OR5C1: variants seen among roughly 807,000 people sequenced by gnomAD.
OR5C1 encodes olfactory receptor family 5 subfamily C member 1.
For synonymous variants in OR5C1, 184 were observed against 181.5 expected, an observed-to-expected ratio of 1.01 and a Z score of -0.11; for missense variants, 433 against 426.5, an observed-to-expected ratio of 1.02 and a Z score of -0.13.
At position 122,789,821 on chromosome 9, in the gene OR5C1, C is replaced by T. The variant is rs113120403; in HGVS notation, c.889C>T (p.Arg297Cys). 53 of 1,600,834 alleles carry T rather than the reference C, an allele frequency of 3.3e-5. No homozygotes were observed. The highest frequency in any genetic ancestry group is 1.7e-4 in the Middle Eastern group (1 of 5,968). The change falls in exon 1 of 1, where the codon CGC becomes TGC. Residue 297 changes from arginine (R) to cysteine (C), a missense_variant. By Grantham distance (180) the Arg-to-Cys change is radical (BLOSUM62 -3). Transcript: ENST00000373680. ...PSLNPLIYSL[R>C]NKEVKEALRQ... ...TCTCAACCCACTCATCTACAGCCTC[C>T]GCAATAAGGAGGTCAAGGAGGCCCT... is the stretch of plus-strand genomic sequence containing the variant.
rs1030817478 is a variant in OR5C1 at position 122,789,156 on chromosome 9, C to T, written c.224C>T (p.Ala75Val). 3 of 1,613,912 alleles carry T rather than the reference C, an allele frequency of 1.9e-6. No homozygotes were observed. The highest frequency in any genetic ancestry group is 2.7e-5 in the African/African-American group (2 of 74,932). The change falls in exon 1 of 1, where the codon GCC (alanine) becomes GTC (valine). Residue 75 changes from alanine to valine, a missense_variant. Transcript: ENST00000373680. ...CTGGCCAACCTCTCCCTGCTGGATG[C>T]CTGCTATTCCTCCGCCATCGGCCCC... ...FFLANLSLLD[A>V]CYSSAIGPKM... is the part of the protein sequence containing the mutation.
Position 122,789,042 on chromosome 9 carries a change from C to T in OR5C1, c.110C>T (p.Pro37Leu), listed in dbSNP as rs754257701. 1 of 1,614,116 alleles carries T rather than the reference C, an allele frequency of 6.2e-7. No individual in the cohort carries two copies. The highest frequency in any genetic ancestry group is 8.5e-7 in the Non-Finnish European group (1 of 1,179,974). ...GTGGCCCTCTTCCTGACCTGCCTGC[C>T]TGTCTACCTGGTGAGCCTGCTGGGA... Reference protein sequence around the residue: ...LRVALFLTCLPVYLVSLLGNM... With the variant: ...LRVALFLTCLLVYLVSLLGNM... The change falls in exon 1 of 1, where the codon CCT (proline) becomes CTT (leucine). Residue 37 changes from proline to leucine, a missense_variant. Physicochemically the swap from Pro to Leu is moderately conservative, Grantham distance 98. Coordinates refer to ENST00000373680, the MANE Select transcript of OR5C1 (RefSeq NM_001001923.1).
Position 122,788,971 on chromosome 9 carries a change from T to C in OR5C1, c.39T>C (p.Pro13=). 1 of 1,600,682 alleles carries C rather than the reference T, an allele frequency of 6.2e-7. No homozygotes were observed. The highest frequency in any genetic ancestry group is 8.5e-7 in the Non-Finnish European group (1 of 1,173,106). Reference sequence around the variant, plus strand: ...ACCTCACCCGGGCCGCGGTTGCCCCTGCTGAATTCGTCCTCCTGGGCATCA... The same window carrying C: ...ACCTCACCCGGGCCGCGGTTGCCCCCGCTGAATTCGTCCTCCTGGGCATCA... ...SENLTRAAVA[P]AEFVLLGITN... Residue 13 remains proline (P), a synonymous_variant, in exon 1 of 1, where the codon CCT becomes CCC. Coordinates refer to ENST00000373680, the MANE Select transcript of OR5C1 (RefSeq NM_001001923.1).
chr9:122,789,615 C>T lies in OR5C1; in HGVS notation c.683C>T (p.Ala228Val). 1 of 1,613,764 alleles carries T rather than the reference C, an allele frequency of 6.2e-7. No homozygotes were observed. Among genetic ancestry groups the T allele is most frequent in the Non-Finnish European group, 8.5e-7 (1 of 1,179,690 alleles). Residue 228 changes from alanine to valine, a missense_variant, in exon 1 of 1, where the codon GCT becomes GTT. Coordinates refer to ENST00000373680, the MANE Select transcript of OR5C1 (RefSeq NM_001001923.1). Reference sequence around the variant, plus strand: ...GTGTCTTATGGCTTCATCGCTGGGGCTGTGATCCACATGCGCTCGGTCGAG... The same window carrying T: ...GTGTCTTATGGCTTCATCGCTGGGGTTGTGATCCACATGCGCTCGGTCGAG... Reference protein sequence around the residue: ...ITVSYGFIAGAVIHMRSVEGS... With the variant: ...ITVSYGFIAGVVIHMRSVEGS...
At position 122,789,169 on chromosome 9, in the gene OR5C1, C is replaced by T. The variant is rs149596287; in HGVS notation, c.237C>T (p.Ser79=). The change falls in exon 1 of 1, where the codon TCC becomes TCT. Residue 79 remains serine, a synonymous_variant. Coordinates refer to ENST00000373680, the MANE Select transcript of OR5C1 (RefSeq NM_001001923.1). ...CCCTGCTGGATGCCTGCTATTCCTC[C>T]GCCATCGGCCCCAAGATGCTAGTGG... ...NLSLLDACYS[S]AIGPKMLVDL... is the part of the protein sequence containing the mutation. 2.6e-5 allele frequency: 42 copies of T among 1,614,006 alleles called. No individual in the cohort carries two copies. The highest frequency in any genetic ancestry group is 1.6e-4 in the Middle Eastern group (1 of 6,084).
In OR5C1 at chr9:122,789,102, C is replaced by T. The variant is rs1357706235; in HGVS notation, c.170C>T (p.Ala57Val). The T allele has an allele frequency of 1.9e-5, 30 of 1,613,398 alleles. No individual in the cohort carries two copies. The highest frequency in any genetic ancestry group is 2.5e-5 in the Non-Finnish European group (30 of 1,179,672). The change falls in exon 1 of 1, where the codon GCC (alanine) becomes GTC (valine). Residue 57 changes from alanine (A) to valine (V), a missense_variant. Coordinates refer to ENST00000373680, the MANE Select transcript of OR5C1 (RefSeq NM_001001923.1). ...ATGGCGCTGCTGATCCGCATGGATG[C>T]CCGGCTCCACACACCTATGTACTTC... ...MGMALLIRMD[A>V]RLHTPMYFFL...
At position 122,789,468 on chromosome 9, in the gene OR5C1, A is replaced by G. The variant is rs1215163072; in HGVS notation, c.536A>G (p.Asn179Ser). The G allele has an allele frequency of 2.5e-6, 4 of 1,614,072 alleles. No individual in the cohort carries two copies. Among genetic ancestry groups the G allele is most frequent in the South Asian group, 1.1e-5 (1 of 91,092 alleles). ...RLSFCRSRKINSFFCDIPPLL... is the reference protein window; with the variant it reads ...RLSFCRSRKISSFFCDIPPLL... ...AGCTTCTGCCGCTCCCGGAAGATCA[A>G]TAGCTTCTTCTGCGATATCCCTCCA... The change falls in exon 1 of 1, where the codon AAT becomes AGT. Residue 179 changes from asparagine (N) to serine (S), a missense_variant. By Grantham distance (46) the Asn-to-Ser change is conservative (BLOSUM62 1). Transcript: ENST00000373680.
rs1226828765 is a variant in OR5C1 at position 122,789,193 on chromosome 9, G to A, written c.261G>A (p.Val87=). The part of the protein sequence containing the change: ...YSSAIGPKML[V]DLLLPRATIP... ...CCGCCATCGGCCCCAAGATGCTAGT[G>A]GACCTGCTGCTGCCCCGAGCCACCA... Residue 87 remains valine, a synonymous_variant, in exon 1 of 1, where the codon GTG becomes GTA. Coordinates refer to ENST00000373680, the MANE Select transcript of OR5C1 (RefSeq NM_001001923.1). 1 of 1,614,046 alleles carries A rather than the reference G, an allele frequency of 6.2e-7. No individual in the cohort carries two copies. Among genetic ancestry groups the A allele is most frequent in the Admixed American group, 1.7e-5 (1 of 59,992 alleles).
At position 122,789,791 on chromosome 9, in the gene OR5C1, C is replaced by T. The variant is rs1201986185; in HGVS notation, c.859C>T (p.Pro287Ser). 8.1e-6 allele frequency: 13 copies of T among 1,612,038 alleles called. No homozygotes were observed. The highest frequency in any genetic ancestry group is 1.1e-5 in the Non-Finnish European group (13 of 1,178,926). ...MASVFYTLVI[P>S]SLNPLIYSLR... ...CTCTGTGTTCTATACCCTGGTCATC[C>T]CGTCTCTCAACCCACTCATCTACAG... Residue 287 changes from proline to serine, a missense_variant, in exon 1 of 1, where the codon CCG (proline) becomes TCG (serine). Physicochemically the swap from Pro to Ser is moderately conservative, Grantham distance 74. Coordinates refer to ENST00000373680, the MANE Select transcript of OR5C1 (RefSeq NM_001001923.1).
chr9:122,789,166 C>G lies in OR5C1; in HGVS notation c.234C>G (p.Ser78=), dbSNP rs528455403. 2.2e-5 allele frequency: 35 copies of G among 1,614,112 alleles called. No homozygotes were observed. The East Asian group carries it at 7.8e-4, about 36-fold the overall frequency. Residue 78 remains serine (S), a synonymous_variant, in exon 1 of 1, where the codon TCC becomes TCG. Transcript: ENST00000373680. ...TCTCCCTGCTGGATGCCTGCTATTCCTCCGCCATCGGCCCCAAGATGCTAG... is the reference window on the plus strand; with the variant it reads ...TCTCCCTGCTGGATGCCTGCTATTCGTCCGCCATCGGCCCCAAGATGCTAG... ...ANLSLLDACY[S]SAIGPKMLVD...
chr9:122,789,037 C>A lies in OR5C1; in HGVS notation c.105C>A (p.Cys35Ter), dbSNP rs756575825. 11 of 1,614,104 alleles carry A rather than the reference C, an allele frequency of 6.8e-6. No individual in the cohort carries two copies. The highest frequency in any genetic ancestry group is 9.3e-6 in the Non-Finnish European group (11 of 1,179,974). The change falls in exon 1 of 1, where the codon TGC (cysteine) becomes TGA (stop). Residue 35 changes from cysteine to a stop codon, truncating the protein, a stop_gained. Coordinates refer to ENST00000373680, the MANE Select transcript of OR5C1 (RefSeq NM_001001923.1). LOFTEE classifies it low-confidence loss of function (END_TRUNC). ...WDLRVALFLT[C>*]LPVYLVSLLG... Reference sequence around the variant, plus strand: ...TGCGTGTGGCCCTCTTCCTGACCTGCCTGCCTGTCTACCTGGTGAGCCTGC... The same window carrying A: ...TGCGTGTGGCCCTCTTCCTGACCTGACTGCCTGTCTACCTGGTGAGCCTGC...
Position 122,789,886 on chromosome 9 carries a change from GT to G in OR5C1, c.955del (p.Ser319ProfsTer?), listed in dbSNP as rs1190935893. The G allele has an allele frequency of 3.3e-6, 5 of 1,525,110 alleles. No individual in the cohort carries two copies. The highest frequency in any genetic ancestry group is 4.4e-6 in the Non-Finnish European group (5 of 1,139,432). 94.5% of individuals were successfully genotyped at this position (1,525,110 alleles called of 1,614,324 possible). On this transcript the variant is annotated frameshift_variant, in exon 1 of 1. Transcript: ENST00000373680. LOFTEE classifies it high-confidence loss of function. ...GCCGATTCCACTGTCCAGGGCAGGG[GT>G]CCCAGTGATTGGTCCAGGGAGGCTG... ...WSRFHCPGQG[S>X]Q
Position 122,788,945 on chromosome 9 carries a change from A to C in OR5C1, c.13A>C (p.Asn5His). 1 of 1,574,372 alleles carries C rather than the reference A, an allele frequency of 6.4e-7. No individual in the cohort carries two copies. Among genetic ancestry groups the C allele is most frequent in the Non-Finnish European group, 8.6e-7 (1 of 1,159,366 alleles). MNSENLTRAAVAPAE... is the reference protein window; with the variant it reads MNSEHLTRAAVAPAE... ...TCTGTCCAGTAGGATGAACTCAGAGAACCTCACCCGGGCCGCGGTTGCCCC... is the reference window on the plus strand; with the variant it reads ...TCTGTCCAGTAGGATGAACTCAGAGCACCTCACCCGGGCCGCGGTTGCCCC... Residue 5 changes from asparagine to histidine, a missense_variant, in exon 1 of 1, where the codon AAC becomes CAC. Asn to His is a moderately conservative substitution (Grantham distance 68, BLOSUM62 1). Transcript: ENST00000373680.
chr9:122,789,755 G>T lies in OR5C1; in HGVS notation c.823G>T (p.Asp275Tyr). ...RPSSSYALDT[D>Y]KMASVFYTLV... ...CAGCTCCAGCTATGCCCTGGACACT[G>T]ACAAGATGGCCTCTGTGTTCTATAC... is the stretch of plus-strand genomic sequence containing the variant. The change falls in exon 1 of 1, where the codon GAC (aspartate) becomes TAC (tyrosine). Residue 275 changes from aspartate to tyrosine, a missense_variant. By Grantham distance (160) the Asp-to-Tyr change is radical (BLOSUM62 -3). Coordinates refer to ENST00000373680, the MANE Select transcript of OR5C1 (RefSeq NM_001001923.1). 4 of 1,612,248 alleles carry T rather than the reference G, an allele frequency of 2.5e-6. No individual in the cohort carries two copies. Among genetic ancestry groups the T allele is most frequent in the Non-Finnish European group, 3.4e-6 (4 of 1,178,970 alleles).
chr9:122,789,388 A>T lies in OR5C1; in HGVS notation c.456A>T (p.Ser152=). The part of the protein sequence containing the change: ...QRLCLALLGA[S]GLGGAVSAFV... ...TATGCCTGGCCTTGCTGGGAGCATC[A>T]GGCCTGGGTGGGGCAGTGAGTGCCT... Residue 152 remains serine, a synonymous_variant, in exon 1 of 1, where the codon TCA becomes TCT. Transcript: ENST00000373680. The T allele has an allele frequency of 1.9e-6, 3 of 1,612,948 alleles. No homozygotes were observed. The highest frequency in any genetic ancestry group is 2.5e-6 in the Non-Finnish European group (3 of 1,179,142).
chr9:122,789,586 C>T lies in OR5C1; in HGVS notation c.654C>T (p.Ile218=), dbSNP rs1564259573. ...GFIQTATVLA[I]TVSYGFIAGA... ...TCCAGACAGCCACGGTGTTAGCTATCACGGTGTCTTATGGCTTCATCGCTG... is the reference window on the plus strand; with the variant it reads ...TCCAGACAGCCACGGTGTTAGCTATTACGGTGTCTTATGGCTTCATCGCTG... Residue 218 remains isoleucine (I), a synonymous_variant, in exon 1 of 1, where the codon ATC becomes ATT. Transcript: ENST00000373680. 1.9e-6 allele frequency: 3 copies of T among 1,613,916 alleles called. No individual in the cohort carries two copies. The highest frequency in any genetic ancestry group is 1.7e-6 in the Non-Finnish European group (2 of 1,179,926).
In OR5C1 at chr9:122,788,991, G is replaced by GCAT; in HGVS notation, c.62_64dup (p.Ile21dup). 6.2e-7 allele frequency: 1 copy of GCAT among 1,609,980 alleles called. No individual in the cohort carries two copies. The highest frequency in any genetic ancestry group is 2.2e-5 in the East Asian group (1 of 44,866). Reference sequence around the variant, plus strand: ...GCCCCTGCTGAATTCGTCCTCCTGGGCATCACAAATCGCTGGGACCTGCGT... The same window carrying GCAT: ...GCCCCTGCTGAATTCGTCCTCCTGGGCATCATCACAAATCGCTGGGACCTGCGT... On this transcript the variant is annotated inframe_insertion, in exon 1 of 1. Coordinates refer to ENST00000373680, the MANE Select transcript of OR5C1 (RefSeq NM_001001923.1).
In OR5C1 at chr9:122,789,504, T is replaced by A. The variant is rs1025146824; in HGVS notation, c.572T>A (p.Ile191Asn). 6.2e-7 allele frequency: 1 copy of A among 1,614,192 alleles called. No individual in the cohort carries two copies. The highest frequency in any genetic ancestry group is 8.5e-7 in the Non-Finnish European group (1 of 1,180,026). Residue 191 changes from isoleucine (I) to asparagine (N), a missense_variant, in exon 1 of 1, where the codon ATC (isoleucine) becomes AAC (asparagine). Physicochemically the swap from Ile to Asn is moderately radical, Grantham distance 149 (BLOSUM62 -3). Transcript: ENST00000373680. The stretch of plus-strand genomic sequence containing the variant: ...TGCGATATCCCTCCACTGCTGGCCA[T>A]CTCGTGCAGTGACACCAGTCTCAAT... ...FFCDIPPLLA[I>N]SCSDTSLNEL...
Position 122,789,800 on chromosome 9 carries a change from A to C in OR5C1, c.868A>C (p.Asn290His). The part of the protein sequence containing the change: ...VFYTLVIPSL[N>H]PLIYSLRNKE... ...CTATACCCTGGTCATCCCGTCTCTC[A>C]ACCCACTCATCTACAGCCTCCGCAA... is the stretch of plus-strand genomic sequence containing the variant. The change falls in exon 1 of 1, where the codon AAC becomes CAC. Residue 290 changes from asparagine to histidine, a missense_variant. Transcript: ENST00000373680. 1.2e-6 allele frequency: 2 copies of C among 1,611,066 alleles called. No homozygotes were observed. The highest frequency in any genetic ancestry group is 4.5e-5 in the East Asian group (2 of 44,876).
Sources: allele counts gnomAD v4.1 joint callset, GRCh38; gene constraint gnomAD v4.1.1; transcripts MANE v1.5; gene names NCBI Gene and HGNC (gene_info 2026-07-23, HGNC 2026-07-21).